Variants in MYH16 observed in about 807,000 individuals in gnomAD.
MYH16 encodes the protein putative uncharacterized protein MYH16.
chr7:99,259,385 G>T (rs1434597593), intron 11 of MYH16, among the ~76,000 whole-genome samples: 1 of 152,150 alleles, frequency 6.6e-6, no homozygotes, highest in Non-Finnish European at 1.5e-5. Flanking sequence ...AGGCAAAGGT[G>T]GGGGGATCAC....
At position 99,288,142 on chromosome 7, in the gene MYH16, A is replaced by T. The variant is rs1447231147; in HGVS notation, n.3706+5A>T. 1 of 456,408 alleles carries T rather than the reference A, an allele frequency of 2.2e-6. No homozygotes were observed. The highest frequency in any genetic ancestry group is 4.4e-6 in the Non-Finnish European group (1 of 226,876). 28.3% of individuals were successfully genotyped at this position (456,408 alleles called of 1,614,324 possible). ...GAGACGATACAGAAGTCCAAGGTGA[A>T]TAACCTAACTGTGGGCCGGACGCAG... On this transcript the variant is annotated splice_donor_5th_base_variant and intron_variant and non_coding_transcript_variant, in intron 29 of 41. Coordinates refer to ENST00000439784, the Ensembl canonical transcript of MYH16.
At chr7:99,246,650 C>A (rs1791734773) in intron 2 of MYH16, among the ~76,000 whole-genome samples, 5 of 151,602 alleles carry the variant, frequency 3.3e-5, no homozygotes, top group Admixed American at 2.6e-4. Flanking sequence ...TGCAGTGAAC[C>A]CAGATGGCAC....
chr7:99,269,525 C>G (rs149491705), intron 18 of MYH16, among the ~76,000 whole-genome samples: 37 of 152,280 alleles, frequency 2.4e-4, no homozygotes, highest in African/African-American at 8.7e-4. Context: ...ATCCTCCCAC[C>G]TCGGCCTCCC....
chr7:99,247,085 C>G (rs925338428), intron 2 of MYH16, among the ~76,000 whole-genome samples: 1 of 152,112 alleles, frequency 6.6e-6, no homozygotes, highest in African/African-American at 2.4e-5. Flanking sequence ...AAAACAAAAA[C>G]AAATATATAT....
exon 37 of MYH16, chr7:99,299,510 AGGCAGAGGCCAAGGGCCG>A (rs1158094092): frequency 6.5e-6 from 1 of 153,236 alleles, no homozygotes; most frequent in Non-Finnish European, 1.5e-5. Flanking sequence ...GCCAGCCTAG[AGGCAGAGGCCAAGGGCCG>A]GGCAGAGGCA....
intron 4 of MYH16, among the ~76,000 whole-genome samples, chr7:99,249,202 C>T (rs191005144): frequency 6.6e-6 from 1 of 152,208 alleles, no homozygotes; most frequent in African/African-American, 2.4e-5. Context: ...TCCCCAGGAC[C>T]TCCCCACCTG....
chr7:99,240,936 G>A (rs930086143), intron 1 of MYH16, among the ~76,000 whole-genome samples: 3 of 152,082 alleles, frequency 2.0e-5, no homozygotes, highest in African/African-American at 7.2e-5. Context: ...GTGGTAAAAA[G>A]ATATAGTTGG....
intron 20 of MYH16, among the ~76,000 whole-genome samples, chr7:99,276,832 A>G (rs1004351866): frequency 6.6e-6 from 1 of 152,158 alleles, no homozygotes; most frequent in African/African-American, 2.4e-5. Flanking sequence ...ATAGAGAAAA[A>G]CAAAGAGAAA....
rs1362865309 is a variant in MYH16, at chr7:99,273,424, G to T, written n.2485+1G>T. 1 of 456,762 alleles carries T rather than the reference G, an allele frequency of 2.2e-6. No homozygotes were observed. Among genetic ancestry groups the T allele is most frequent in the South Asian group, 1.5e-5 (1 of 64,564 alleles). The allele number at this position is 456,762 out of a possible 1,614,324, so 28.3% of individuals were successfully genotyped here. A position where few individuals can be genotyped will look rare whatever the true frequency, so the allele number is the denominator to read the frequency against. On this transcript the variant is annotated splice_donor_variant and non_coding_transcript_variant, in intron 20 of 41. Coordinates refer to ENST00000439784, the Ensembl canonical transcript of MYH16. ...GGGCTGGTGGAAGCTGTACAACAAG[G>T]TGAGGGCCGAGGGGCCAGGCCAGGG...
In MYH16 at chr7:99,277,927, G is replaced by A. The variant is rs1351774457; in HGVS notation, n.2659+215G>A. On this transcript the variant is annotated intron_variant and non_coding_transcript_variant, in intron 21 of 41. Transcript: ENST00000439784. Reference sequence around the variant, plus strand: ...TGTGTGTGTGTGTGTGAGAGAGAGAGAGAGAGAGAGACAGACAGACAGACA... The same window carrying A: ...TGTGTGTGTGTGTGTGAGAGAGAGAAAGAGAGAGAGACAGACAGACAGACA... Among the ~76,000 whole-genome samples the A allele has an allele frequency of 3.3e-4, 44 of 133,240 alleles. 1 individual carries two copies. The South Asian group carries it at 9.6e-3, about 29-fold the overall frequency. The allele number at this position is 133,240 out of a possible 152,430, so 87.4% of individuals were successfully genotyped here. A position where few individuals can be genotyped will look rare whatever the true frequency, so the allele number is the denominator to read the frequency against.
exon 6 of MYH16, chr7:99,251,181 C>T (rs182022308): frequency 3.1e-4 from 68 of 218,150 alleles, no homozygotes; most frequent in Middle Eastern, 2.1e-3. Context: ...CAACTCCTCT[C>T]GCTTCGTAAG....
chr7:99,284,355 C>G (rs1029651578), intron 25 of MYH16, among the ~76,000 whole-genome samples: 2 of 152,232 alleles, frequency 1.3e-5, no homozygotes, highest in East Asian at 3.9e-4. Context: ...CTTTGGGATG[C>G]GAAGGCAGGA....
At position 99,259,649 on chromosome 7, in the gene MYH16, G is replaced by A. The variant is rs958675856; in HGVS notation, n.1405-515G>A. 2.7e-5 allele frequency among the ~76,000 whole-genome samples: 4 copies of A among 150,590 alleles called. No individual in the cohort carries two copies. The East Asian group carries it at 5.9e-4, about 22-fold the overall frequency. On this transcript the variant is annotated intron_variant and non_coding_transcript_variant, in intron 11 of 41. Coordinates refer to ENST00000439784, the Ensembl canonical transcript of MYH16. Reference sequence around the variant, plus strand: ...AATTTTGTATTTTTAGTAGAGATGGGGTTTTACCATGATGACCAGGCTGGA... The same window carrying A: ...AATTTTGTATTTTTAGTAGAGATGGAGTTTTACCATGATGACCAGGCTGGA...
At chr7:99,292,337 T>C (rs1044963988) in exon 32 of MYH16, 2 of 456,610 alleles carry the variant, frequency 4.4e-6, no homozygotes, top group Non-Finnish European at 8.8e-6. Context: ...GTGGTGAGTC[T>C]GGCCAACACC....
chr7:99,270,326 T>TAA (rs1792032297), intron 18 of MYH16, among the ~76,000 whole-genome samples: 1 of 148,320 alleles, frequency 6.7e-6, no homozygotes, highest in African/African-American at 2.5e-5. Context: ...AAAAAAAATT[T>TAA]TTTTTTTTTT....
At position 99,293,651 on chromosome 7, in the gene MYH16, C is replaced by A. The variant is rs374335341; in HGVS notation, n.4150-367C>A. On this transcript the variant is annotated intron_variant and non_coding_transcript_variant, in intron 32 of 41. Transcript: ENST00000439784. ...ACCCCCTCCCACCTGGACTGCCTGT[C>A]CCCTTCCTGGCTCTATTTGTCACTG... 1.6e-4 allele frequency among the ~76,000 whole-genome samples: 24 copies of A among 152,308 alleles called. 1 individual carries two copies. In the East Asian group the frequency reaches 4.2e-3, roughly 27 times the overall value.
rs550064514 is a variant in MYH16, at chr7:99,267,662, A to T, written n.2266+688A>T. Among the ~76,000 whole-genome samples the T allele has an allele frequency of 8.5e-4, 129 of 152,204 alleles. 1 individual carries two copies. The highest frequency in any genetic ancestry group is 1.4e-3 in the Non-Finnish European group (94 of 68,026). ...GCCCAGCTCTGAGCCAGCGGCTGAGATGGGACTGACTCAGACAGAGCAACC... is the reference window on the plus strand; with the variant it reads ...GCCCAGCTCTGAGCCAGCGGCTGAGTTGGGACTGACTCAGACAGAGCAACC... On this transcript the variant is annotated intron_variant and non_coding_transcript_variant, in intron 18 of 41. Coordinates refer to ENST00000439784, the Ensembl canonical transcript of MYH16.
chr7:99,241,694 A>C (rs185434382), intron 1 of MYH16, among the ~76,000 whole-genome samples: 1 of 152,200 alleles, frequency 6.6e-6, no homozygotes, highest in South Asian at 2.1e-4. Flanking sequence ...CAAGATTTCA[A>C]ATTATCTGCC....
intron 12 of MYH16, chr7:99,260,739 C>T (rs982115468): frequency 3.2e-5 from 5 of 158,368 alleles, no homozygotes; most frequent in African/African-American, 1.2e-4. Context: ...CCTATAACCA[C>T]ATCCACATGG....
Sources: gnomAD v4.1 joint callset for allele counts (sites outside exome capture counted in the v4.1 genomes callset) on GRCh38, gnomAD v4.1.1 for gene constraint, MANE v1.5 for transcripts, NCBI Gene and HGNC (gene_info 2026-07-23, HGNC 2026-07-21) for gene names.